Variants in CNTNAP2 observed in about 807,000 individuals in gnomAD.
The protein encoded by CNTNAP2 is contactin associated protein 2, also known as contactin-associated protein-like 2.
Under a neutral mutation model 155.2 loss-of-function variants are expected in CNTNAP2, and 98 were observed. The observed-to-expected ratio is 0.63, with a 90% CI of 0.54 to 0.75. The LOEUF is 0.75. CNTNAP2 is among the 30% of genes least tolerant of loss of function. The pLI, the probability that CNTNAP2 is intolerant of heterozygous loss-of-function variation, is 0.00. For missense variants in CNTNAP2, 1,727 were observed against 1,688.1 expected (o/e 1.02, Z -0.40); for synonymous variants, 651 against 631.2 (o/e 1.03, Z -0.47).
At chr7:147,116,960 G>A (rs1801004047) in intron 5 of CNTNAP2, among the ~76,000 whole-genome samples, 1 of 152,178 alleles carries the variant, frequency 6.6e-6, no homozygotes, top group Non-Finnish European at 1.5e-5. Context: ...TAGCAGAGAT[G>A]GTGTCTGTAC....
At chr7:146,842,598 A>G (rs1240977611) in intron 3 of CNTNAP2, among the ~76,000 whole-genome samples, 1 of 152,088 alleles carries the variant, frequency 6.6e-6, no homozygotes, top group Admixed American at 6.5e-5. Flanking sequence ...AGGCCTCAAG[A>G]AACTTACTAT....
At chr7:147,265,262 G>A (rs1452784631) in intron 8 of CNTNAP2, among the ~76,000 whole-genome samples, 8 of 152,282 alleles carry the variant, frequency 5.3e-5, no homozygotes, top group African/African-American at 1.9e-4. Context: ...ACAGATAAAC[G>A]TGTGCCATGG....
intron 16 of CNTNAP2, among the ~76,000 whole-genome samples, chr7:148,140,711 C>T (rs1805048591): frequency 6.6e-6 from 1 of 152,178 alleles, no homozygotes; most frequent in Non-Finnish European, 1.5e-5. Flanking sequence ...CATGAGCCAC[C>T]ACACCCAGCC....
In CNTNAP2 at chr7:146,600,144, G is replaced by A. The variant is rs114593554; in HGVS notation, c.98-174127G>A. ...AGTGGCTAGCGATCCTCAACCATTC[G>A]TAAGCAACACTCCATAATAGTCAGT... On this transcript the variant is annotated intron_variant, in intron 1 of 23. Transcript: ENST00000361727. Among the ~76,000 whole-genome samples the A allele has an allele frequency of 6.5e-3, 993 of 152,018 alleles. 8 individuals carry two copies. Among genetic ancestry groups the A allele is most frequent in the African/African-American group, 0.023 (949 of 41,478 alleles).
intron 3 of CNTNAP2, among the ~76,000 whole-genome samples, chr7:146,858,644 T>C (rs573742983): frequency 7.7e-4 from 117 of 152,262 alleles, no homozygotes; most frequent in African/African-American, 2.7e-3. Context: ...CAGTCAGCCA[T>C]GATCACACCA....
At chr7:146,653,724 G>GGATGTTA (rs1224045127) in intron 1 of CNTNAP2, among the ~76,000 whole-genome samples, 1 of 152,076 alleles carries the variant, frequency 6.6e-6, no homozygotes, top group Non-Finnish European at 1.5e-5. Flanking sequence ...AGGAAGTATT[G>GGATGTTA]GATGTTATCT....
chr7:146,267,131 T>C (rs528196851), intron 1 of CNTNAP2, among the ~76,000 whole-genome samples: 5 of 152,288 alleles, frequency 3.3e-5, no homozygotes, highest in African/African-American at 7.2e-5. Flanking sequence ...AAGATGTCCA[T>C]GTCTGATACG....
intron 20 of CNTNAP2, among the ~76,000 whole-genome samples, chr7:148,250,786 C>T (rs1453189190): frequency 2.6e-5 from 4 of 151,208 alleles, no homozygotes; most frequent in Admixed American, 6.6e-5. Flanking sequence ...CCACCGTACC[C>T]GGCCTCATTT....
Position 148,233,400 on chromosome 7 carries a change from G to A in CNTNAP2, c.3381+3621G>A, listed in dbSNP as rs552905732. ...TCACAAAAAGTAAGTCCCCAAGATC[G>A]AGAAAATAGAACATGATTATCAGGT... On this transcript the variant is annotated intron_variant, in intron 20 of 23. Transcript: ENST00000361727. Among the ~76,000 whole-genome samples the A allele has an allele frequency of 1.5e-4, 11 of 73,898 alleles. No homozygotes were observed. The South Asian group carries it at 5.0e-3, about 33-fold the overall frequency. The allele number at this position is 73,898 out of a possible 152,430, so 48.5% of individuals were successfully genotyped here.
At chr7:146,790,303 A>G (rs76372552) in intron 2 of CNTNAP2, among the ~76,000 whole-genome samples, 2 of 152,214 alleles carry the variant, frequency 1.3e-5, no homozygotes, top group Admixed American at 1.3e-4. Context: ...TTTTAATTCA[A>G]AATCCTGTAT....
chr7:147,217,720 G>T (rs778042174), intron 8 of CNTNAP2, among the ~76,000 whole-genome samples: 1 of 151,866 alleles, frequency 6.6e-6, no homozygotes, highest in Non-Finnish European at 1.5e-5. Flanking sequence ...GTAGAGAATT[G>T]GTATAATTTA....
intron 14 of CNTNAP2, among the ~76,000 whole-genome samples, chr7:147,950,831 A>G (rs1398396878): frequency 6.6e-6 from 1 of 152,198 alleles, no homozygotes; most frequent in Admixed American, 6.5e-5. Context: ...AGGAAGAAAC[A>G]TTCTTATCAC....
intron 21 of CNTNAP2, among the ~76,000 whole-genome samples, chr7:148,289,581 TCACA>T (rs55906004): frequency 0.77 from 116,016 of 151,140 alleles, 44,736 homozygotes; most frequent in South Asian, 0.87. Flanking sequence ...ACACTCACAC[TCACA>T]CACACACACA....
At chr7:146,924,706 C>T (rs1212568105) in intron 3 of CNTNAP2, among the ~76,000 whole-genome samples, 1 of 151,998 alleles carries the variant, frequency 6.6e-6, no homozygotes, top group Non-Finnish European at 1.5e-5. Context: ...TTTGACCTGA[C>T]ACTATTTTTT....
intron 9 of CNTNAP2, among the ~76,000 whole-genome samples, chr7:147,392,398 G>A (rs185678338): frequency 1.3e-4 from 20 of 151,718 alleles, no homozygotes; most frequent in Non-Finnish European, 2.1e-4. Flanking sequence ...GGAACAGGTG[G>A]TATTTGGCTA....
intron 3 of CNTNAP2, among the ~76,000 whole-genome samples, chr7:146,988,563 T>C (rs1291023550): frequency 6.6e-6 from 1 of 152,102 alleles, no homozygotes; most frequent in Non-Finnish European, 1.5e-5. Flanking sequence ...AATGACTTAT[T>C]TGGGTAGGGG....
chr7:147,429,540 C>T (rs1797433305), intron 10 of CNTNAP2, among the ~76,000 whole-genome samples: 2 of 151,966 alleles, frequency 1.3e-5, no homozygotes, highest in South Asian at 4.1e-4. Context: ...CTGATAATTT[C>T]TTTTGCTGTG....
At chr7:147,651,835 C>T (rs1795454608) in intron 13 of CNTNAP2, among the ~76,000 whole-genome samples, 1 of 152,154 alleles carries the variant, frequency 6.6e-6, no homozygotes, top group Non-Finnish European at 1.5e-5. Context: ...CCATTAACTC[C>T]TCATTCTCTT....
intron 9 of CNTNAP2, among the ~76,000 whole-genome samples, chr7:147,362,036 C>G (rs1563175246): frequency 1.3e-5 from 2 of 152,138 alleles, no homozygotes; most frequent in African/African-American, 4.8e-5. Flanking sequence ...TGAGCCCTCA[C>G]CTGTGGCCCT....
Sources: gnomAD v4.1 joint callset for allele counts (sites outside exome capture counted in the v4.1 genomes callset) on GRCh38, gnomAD v4.1.1 for gene constraint, MANE v1.5 for transcripts, NCBI Gene and HGNC (gene_info 2026-07-23, HGNC 2026-07-21) for gene names.